ECD: variants seen among roughly 807,000 people sequenced by gnomAD.
ECD encodes the protein protein ecdysoneless homolog.
ECD carries 59 observed loss-of-function variants against 77.2 expected under a neutral mutation model. The ratio of observed to expected loss-of-function variants is 0.76; its 90% CI spans 0.62 to 0.95. The LOEUF (loss-of-function observed/expected upper bound fraction) is 0.95. ECD is among the 40% of genes least tolerant of loss of function. The pLI is 0.00. For synonymous variants in ECD, 233 were observed against 267.4 expected (o/e 0.87, Z 1.26); for missense variants, 704 against 763.4 (o/e 0.92, Z 0.92).
rs1564657813 is a variant in ECD, at chr10:73,133,911, T to C, written c.*672A>G. ...ACTAGTGGTTTCTAGGGGCTGGGAG[T>C]AGAAGGGAATGAGAGACTATTAGTG... On this transcript the variant is annotated 3_prime_UTR_variant, in exon 14 of 14. Coordinates refer to ENST00000372979, the MANE Select transcript of ECD (RefSeq NM_007265.3). 1 of 151,386 alleles carries C rather than the reference T, an allele frequency of 6.6e-6. No homozygotes were observed. The highest frequency in any genetic ancestry group is 6.6e-5 in the Admixed American group (1 of 15,190). 9.4% of individuals were successfully genotyped at this position (151,386 alleles called of 1,614,324 possible).
Position 73,156,763 on chromosome 10 carries a change from G to C in ECD, c.324-108C>G, listed in dbSNP as rs892125752. ...CCTCTTCATCTTAGTAAATATTTGA[G>C]TATGTACTATGTGCAGATGGCTATA... On this transcript the variant is annotated intron_variant, in intron 3 of 13. Coordinates refer to ENST00000372979, the MANE Select transcript of ECD (RefSeq NM_007265.3). 2.8e-6 allele frequency: 3 copies of C among 1,063,500 alleles called. No individual in the cohort carries two copies. The Admixed American group carries it at 6.0e-5, about 21-fold the overall frequency. 65.9% of individuals were successfully genotyped at this position (1,063,500 alleles called of 1,614,324 possible). A position where few individuals can be genotyped will look rare whatever the true frequency, so the allele number is the denominator to read the frequency against.
At chr10:73,157,421 G>A (rs769545063) in intron 3 of ECD, among the ~76,000 whole-genome samples, 25 of 150,444 alleles carry the variant, frequency 1.7e-4, no homozygotes, top group Non-Finnish European at 3.4e-4. Context: ...TTAAAAAAAT[G>A]TATTAAAAGT....
rs146593359 is a variant in ECD, at chr10:73,163,913, T to C, written c.25A>G (p.Thr9Ala). 23 of 1,614,088 alleles carry C rather than the reference T, an allele frequency of 1.4e-5. No homozygotes were observed. The highest frequency in any genetic ancestry group is 1.6e-5 in the Non-Finnish European group (19 of 1,180,046). The change falls in exon 2 of 14, where the codon ACG becomes GCG. Residue 9 changes from threonine (T) to alanine (A), a missense_variant. This residue lies in a region of ECD where 559 missense variants were observed against 583.7 expected (regional missense o/e 0.96). Transcript: ENST00000372979. MEETMKLA[T>A]MEDTVEYCLF... ...CAGTACTCCACTGTGTCTTCCATCG[T>C]AGCAAGCTTCATGGTTTCTTCCATT...
Position 73,139,749 on chromosome 10 carries a change from A to T in ECD, c.1128-12T>A. 1.2e-5 allele frequency: 18 copies of T among 1,523,086 alleles called. No individual in the cohort carries two copies. Among genetic ancestry groups the T allele is most frequent in the Non-Finnish European group, 1.6e-5 (18 of 1,110,676 alleles). 94.3% of individuals were successfully genotyped at this position (1,523,086 alleles called of 1,614,324 possible). On this transcript the variant is annotated splice_polypyrimidine_tract_variant and intron_variant, in intron 9 of 13. Coordinates refer to ENST00000372979, the MANE Select transcript of ECD (RefSeq NM_007265.3). ...TCATAGCAAGAGAACTATGAAAAAT[A>T]AAAAACATGAGTATTTCTTCATAAG...
Position 73,154,267 on chromosome 10 carries a change from T to C in ECD, c.772A>G (p.Ile258Val). 1 of 1,603,598 alleles carries C rather than the reference T, an allele frequency of 6.2e-7. No homozygotes were observed. Among genetic ancestry groups the C allele is most frequent in the Non-Finnish European group, 8.5e-7 (1 of 1,175,000 alleles). The part of the protein sequence containing the change: ...VFKTFLPETR[I>V]MTSVTFTKCL... ...GATAGAAATCTCACCGATGTCATTA[T>C]TCGTGTTTCAGGCAAGAATGTCTTG... The change falls in exon 6 of 14, where the codon ATA becomes GTA. Residue 258 changes from isoleucine (I) to valine (V), a missense_variant. Coordinates refer to ENST00000372979, the MANE Select transcript of ECD (RefSeq NM_007265.3).
intron 5 of ECD, 69 bp downstream of exon 5, chr10:73,156,206 C>T (rs1843292834): frequency 2.1e-6 from 3 of 1,419,236 alleles, no homozygotes; most frequent in Non-Finnish European, 2.8e-6. Context: ...AAACAAAAAT[C>T]AAAGAAAGAC....
At position 73,138,075 on chromosome 10, in the gene ECD, A is replaced by G. The variant is rs768385327; in HGVS notation, c.1422-5T>C. On this transcript the variant is annotated splice_polypyrimidine_tract_variant and splice_region_variant and intron_variant, in intron 11 of 13. Coordinates refer to ENST00000372979, the MANE Select transcript of ECD (RefSeq NM_007265.3). ...ATTGGAGCCTCAGAAGGTTCTCTGCAATATTAAAGGACAAAGACAATTAAT... is the reference window on the plus strand; with the variant it reads ...ATTGGAGCCTCAGAAGGTTCTCTGCGATATTAAAGGACAAAGACAATTAAT... The G allele has an allele frequency of 6.3e-7, 1 of 1,579,456 alleles. No individual in the cohort carries two copies. The highest frequency in any genetic ancestry group is 2.3e-5 in the East Asian group (1 of 42,800).
chr10:73,134,558 A>G lies in ECD; in HGVS notation c.*25T>C. The G allele has an allele frequency of 6.3e-7, 1 of 1,579,692 alleles. No homozygotes were observed. The highest frequency in any genetic ancestry group is 1.4e-5 in the African/African-American group (1 of 73,858). On this transcript the variant is annotated 3_prime_UTR_variant, in exon 14 of 14. Coordinates refer to ENST00000372979, the MANE Select transcript of ECD (RefSeq NM_007265.3). ...TCATATTCAATATTTATTTAAAAAG[A>G]AAAAAGAGAAGCTAAATGTGCTGGT...
rs567445878 is a variant in ECD, at chr10:73,153,996, G to A, written c.783+260C>T. Reference sequence around the variant, plus strand: ...GAATTTTCAGATTTGGGATGCTCAAGTAGTAAGTTTAATGCAAATATTCCA... The same window carrying A: ...GAATTTTCAGATTTGGGATGCTCAAATAGTAAGTTTAATGCAAATATTCCA... On this transcript the variant is annotated intron_variant, in intron 6 of 13. Coordinates refer to ENST00000372979, the MANE Select transcript of ECD (RefSeq NM_007265.3). Among the ~76,000 whole-genome samples, 10 of 152,270 alleles carry A rather than the reference G, an allele frequency of 6.6e-5. No individual in the cohort carries two copies. The East Asian group carries it at 1.9e-3, about 29-fold the overall frequency.
chr10:73,136,810 G>T lies in ECD; in HGVS notation c.1598C>A (p.Ala533Asp). 1 of 1,614,036 alleles carries T rather than the reference G, an allele frequency of 6.2e-7. No homozygotes were observed. The highest frequency in any genetic ancestry group is 8.5e-7 in the Non-Finnish European group (1 of 1,180,010). The stretch of plus-strand genomic sequence containing the variant: ...ATTATCAAGTGTTCCTTTCAGGGAA[G>T]CCTCTTCGCCAGGTTCGTGTGTTTC... ...DFETHEPGEE[A>D]SLKGTLDNLK... The change falls in exon 13 of 14, where the codon GCT becomes GAT. Residue 533 changes from alanine (A) to aspartate (D), a missense_variant. Transcript: ENST00000372979.
chr10:73,148,601 C>A (rs994887071), intron 7 of ECD, among the ~76,000 whole-genome samples, 197 bp from the exon 8 acceptor site: 3 of 152,012 alleles, frequency 2.0e-5, no homozygotes, highest in Admixed American at 2.0e-4. Context: ...TTATAGATTA[C>A]TAAAAACATA....
In ECD at chr10:73,160,542, G is replaced by A; in HGVS notation, c.215C>T (p.Pro72Leu). The A allele has an allele frequency of 6.3e-7, 1 of 1,599,488 alleles. No individual in the cohort carries two copies. Among genetic ancestry groups the A allele is most frequent in the Non-Finnish European group, 8.5e-7 (1 of 1,175,684 alleles). The change falls in exon 3 of 14, where the codon CCT (proline) becomes CTT (leucine). Residue 72 changes from proline to leucine, a missense_variant. By Grantham distance (98) the Pro-to-Leu change is moderately conservative. This residue lies in a region of ECD where 559 missense variants were observed against 583.7 expected (regional missense o/e 0.96). Transcript: ENST00000372979. ...LKYKPGKGGV[P>L]AHMFGVTKFG... ...CTTTGTCACGCCAAACATATGAGCAGGAACACCTCCTAAAAACAAGAGAAA... is the reference window on the plus strand; with the variant it reads ...CTTTGTCACGCCAAACATATGAGCAAGAACACCTCCTAAAAACAAGAGAAA...
Position 73,139,295 on chromosome 10 carries a change from T to G in ECD, c.1421+14A>C. ...TTCTAGCTATTTATATATTTATACT[T>G]TAACACAAATTACCGAGGCAGCTCT... On this transcript the variant is annotated intron_variant, in intron 11 of 13. Coordinates refer to ENST00000372979, the MANE Select transcript of ECD (RefSeq NM_007265.3). 2 of 1,595,452 alleles carry G rather than the reference T, an allele frequency of 1.3e-6. No individual in the cohort carries two copies. Among genetic ancestry groups the G allele is most frequent in the Middle Eastern group, 1.7e-4 (1 of 5,960 alleles).
intron 5 of ECD, 98 bp downstream of exon 5, chr10:73,156,177 A>C: frequency 8.7e-7 from 1 of 1,152,924 alleles, no homozygotes; most frequent in South Asian, 1.7e-5. Context: ...ATCAACTCCA[A>C]CAGAGCTTTA....
In ECD at chr10:73,134,346, C is replaced by A; in HGVS notation, c.*237G>T. Reference sequence around the variant, plus strand: ...TTAGCATGAAGTGTGTGAATTTCATCTCAAGGTTGTCTAGGGGCTAGATTC... The same window carrying A: ...TTAGCATGAAGTGTGTGAATTTCATATCAAGGTTGTCTAGGGGCTAGATTC... On this transcript the variant is annotated 3_prime_UTR_variant, in exon 14 of 14. Transcript: ENST00000372979. 2.0e-6 allele frequency: 1 copy of A among 490,130 alleles called. No homozygotes were observed. Among genetic ancestry groups the A allele is most frequent in the East Asian group, 3.4e-5 (1 of 29,362 alleles). The allele number at this position is 490,130 out of a possible 1,614,324, so 30.4% of individuals were successfully genotyped here. A position where few individuals can be genotyped will look rare whatever the true frequency, so the allele number is the denominator to read the frequency against.
In ECD at chr10:73,163,905, T is replaced by G; in HGVS notation, c.33A>C (p.Glu11Asp). The G allele has an allele frequency of 6.2e-7, 1 of 1,614,214 alleles. No homozygotes were observed. Among genetic ancestry groups the G allele is most frequent in the Non-Finnish European group, 8.5e-7 (1 of 1,180,030 alleles). Residue 11 changes from glutamate (E) to aspartate (D), a missense_variant, in exon 2 of 14, where the codon GAA (glutamate) becomes GAC (aspartate). Physicochemically the swap from Glu to Asp is conservative, Grantham distance 45. This residue lies in a region of ECD where 559 missense variants were observed against 583.7 expected (regional missense o/e 0.96). Transcript: ENST00000372979. The part of the protein sequence containing the change: MEETMKLATM[E>D]DTVEYCLFLI... ...GGAACAGGCAGTACTCCACTGTGTC[T>G]TCCATCGTAGCAAGCTTCATGGTTT...
At chr10:73,159,633 A>G (rs1219331780) in intron 3 of ECD, among the ~76,000 whole-genome samples, 2 of 145,314 alleles carry the variant, frequency 1.4e-5, no homozygotes, top group South Asian at 4.5e-4. Context: ...ACTCTTTGAC[A>G]GTACTTTAAT....
chr10:73,156,389 C>A lies in ECD; in HGVS notation c.476G>T (p.Trp159Leu). The A allele has an allele frequency of 6.2e-7, 1 of 1,613,344 alleles. No homozygotes were observed. Among genetic ancestry groups the A allele is most frequent in the Non-Finnish European group, 8.5e-7 (1 of 1,179,844 alleles). ...PAPRKSGAESWLPTTPPTIPQ... is the reference protein window; with the variant it reads ...PAPRKSGAESLLPTTPPTIPQ... The stretch of plus-strand genomic sequence containing the variant: ...AATTGTTGGGGGTGTGGTGGGTAAC[C>A]AAGATTCTGCTCCAGATTTTCTTGG... Residue 159 changes from tryptophan to leucine, a missense_variant, in exon 5 of 14, where the codon TGG becomes TTG. Physicochemically the swap from Trp to Leu is moderately conservative, Grantham distance 61. Transcript: ENST00000372979.
Position 73,139,397 on chromosome 10 carries a change from C to T in ECD, c.1333G>A (p.Glu445Lys), listed in dbSNP as rs747860932. The change falls in exon 11 of 14, where the codon GAG (glutamate) becomes AAG (lysine). Residue 445 changes from glutamate (E) to lysine (K), a missense_variant. Glu to Lys is a moderately conservative substitution (Grantham distance 56, BLOSUM62 1). Transcript: ENST00000372979. Reference sequence around the variant, plus strand: ...ACTTCAGTTAAGTCATAGTTCTGCTCCTTCTCCTCCTTGGAAACAGACTCG... The same window carrying T: ...ACTTCAGTTAAGTCATAGTTCTGCTTCTTCTCCTCCTTGGAAACAGACTCG... ...ESESVSKEEK[E>K]QNYDLTEVSE... The T allele has an allele frequency of 3.1e-6, 5 of 1,614,130 alleles. No individual in the cohort carries two copies. In the Admixed American group the frequency reaches 8.3e-5, roughly 27 times the overall value.
Sources: gnomAD v4.1 joint callset for allele counts (sites outside exome capture counted in the v4.1 genomes callset) on GRCh38, gnomAD v4.1.1 for gene constraint, gnomAD v4.1.1 regional missense constraint, MANE v1.5 for transcripts, NCBI Gene and HGNC (gene_info 2026-07-23, HGNC 2026-07-21) for gene names.